TET2: variants seen among roughly 807,000 people sequenced by gnomAD.
TET2 encodes the protein methylcytosine dioxygenase TET2.
Under a neutral mutation model 142.9 loss-of-function variants are expected in TET2, and 299 were observed. The ratio of observed to expected loss-of-function variants is 2.09; its 90% CI spans 1.90 to 2.30. TET2 has a LOEUF of 2.30. TET2 is among the 30% of genes most tolerant of loss of function. TET2 has a pLI of 0.00. For missense variants in TET2, 2,418 were observed against 2,378.0 expected (o/e 1.02, Z -0.35); for synonymous variants, 819 against 849.0 (o/e 0.96, Z 0.61).
At chr4:105,224,934 T>C (rs1328848532) in intron 2 of TET2, among the ~76,000 whole-genome samples, 1 of 152,124 alleles carries the variant, frequency 6.6e-6, no homozygotes, top group Non-Finnish European at 1.5e-5. Flanking sequence ...CATTAGATTA[T>C]TGGAATAAAA....
Position 105,236,008 on chromosome 4 carries a change from C to T in TET2, c.2066C>T (p.Ser689Phe), listed in dbSNP as rs750088604. The change falls in exon 3 of 11, where the codon TCC becomes TTC. Residue 689 changes from serine (S) to phenylalanine (F), a missense_variant. Transcript: ENST00000380013. ...TTTCATTTTCAACAAAGAGCAGATTCCCAAACTGAAAAACTTATGTCCCCA... is the reference window on the plus strand; with the variant it reads ...TTTCATTTTCAACAAAGAGCAGATTTCCAAACTGAAAAACTTATGTCCCCA... Reference protein sequence around the residue: ...TRFHFQQRADSQTEKLMSPVL... With the variant: ...TRFHFQQRADFQTEKLMSPVL... The T allele has an allele frequency of 6.2e-7, 1 of 1,614,024 alleles. No individual in the cohort carries two copies. Among genetic ancestry groups the T allele is most frequent in the Non-Finnish European group, 8.5e-7 (1 of 1,180,020 alleles).
intron 9 of TET2, among the ~76,000 whole-genome samples, chr4:105,271,739 G>A (rs1339737784): frequency 1.3e-5 from 2 of 152,132 alleles, no homozygotes; most frequent in African/African-American, 4.8e-5. Flanking sequence ...ATACTAAAAA[G>A]TTAGTATTTA....
intron 2 of TET2, 54 bp downstream of exon 2, chr4:105,190,559 A>T (rs1419074988): frequency 1.5e-6 from 1 of 688,304 alleles, no homozygotes. Context: ...TTTATTCCTA[A>T]TGTAATGGTA....
chr4:105,223,259 A>G (rs1340834392), intron 2 of TET2, among the ~76,000 whole-genome samples: 1 of 152,194 alleles, frequency 6.6e-6, no homozygotes, highest in African/African-American at 2.4e-5. Context: ...CCATATAGGA[A>G]ACATTATATT....
intron 6 of TET2, among the ~76,000 whole-genome samples, chr4:105,250,711 A>C (rs1729831278): frequency 1.3e-5 from 2 of 151,700 alleles, no homozygotes; most frequent in Admixed American, 1.3e-4. Flanking sequence ...TATTTTTTTT[A>C]AGACAGAGTC....
intron 6 of TET2, among the ~76,000 whole-genome samples, chr4:105,258,392 A>T (rs900686544): frequency 6.6e-6 from 1 of 152,156 alleles, no homozygotes; most frequent in African/African-American, 2.4e-5. Context: ...GTTAGTTACC[A>T]TTTAATATAG....
intron 1 of TET2, among the ~76,000 whole-genome samples, chr4:105,159,722 T>TA (rs1723747809): frequency 1.3e-5 from 2 of 152,270 alleles, no homozygotes. Flanking sequence ...AAAATGCCTT[T>TA]AAAAAATTAC....
chr4:105,247,032 T>C (rs981401633), intron 6 of TET2, among the ~76,000 whole-genome samples: 4 of 152,216 alleles, frequency 2.6e-5, no homozygotes, highest in Non-Finnish European at 5.9e-5. Flanking sequence ...CAGAAATGCC[T>C]TCTGCCATGG....
chr4:105,190,312 C>T, intron 1 of TET2, 48 bp from the exon 2 acceptor site: 1 of 616,210 alleles, frequency 1.6e-6, no homozygotes, highest in Non-Finnish European at 2.9e-6. Flanking sequence ...TGTATATACC[C>T]TGTTCCTTTT....
chr4:105,149,107 G>T (rs1723177787), intron 1 of TET2, among the ~76,000 whole-genome samples: 2 of 152,144 alleles, frequency 1.3e-5, no homozygotes, highest in Admixed American at 1.3e-4. Context: ...AAACTATCGA[G>T]AAAACTATGG....
chr4:105,195,917 G>T (rs1349584594), intron 2 of TET2, among the ~76,000 whole-genome samples: 1 of 152,066 alleles, frequency 6.6e-6, no homozygotes, highest in Non-Finnish European at 1.5e-5. Flanking sequence ...TCAAGATCTT[G>T]ACTCCTACCC....
intron 9 of TET2, 39 bp downstream of exon 9, chr4:105,269,786 T>C (rs1276692608): frequency 1.3e-6 from 2 of 1,548,140 alleles, no homozygotes; most frequent in East Asian, 2.4e-5. Flanking sequence ...CTGTTGAGTC[T>C]GTTCTCACAC....
intron 8 of TET2, among the ~76,000 whole-genome samples, chr4:105,265,609 G>A (rs578224882): frequency 1.4e-3 from 208 of 152,194 alleles, no homozygotes; most frequent in Non-Finnish European, 2.7e-3. Context: ...AGTTTTATGA[G>A]GTTAGATAGA....
rs1731240288 is a variant in TET2 at position 105,276,709 on chromosome 4, T to C, written c.*190T>C. 1.7e-6 allele frequency: 1 copy of C among 587,176 alleles called. No individual in the cohort carries two copies. The highest frequency in any genetic ancestry group is 3.5e-5 in the Admixed American group (1 of 28,876). 36.4% of individuals were successfully genotyped at this position (587,176 alleles called of 1,614,324 possible). A position where few individuals can be genotyped will look rare whatever the true frequency, so the allele number is the denominator to read the frequency against. On this transcript the variant is annotated 3_prime_UTR_variant, in exon 11 of 11. Coordinates refer to ENST00000380013, the MANE Select transcript of TET2 (RefSeq NM_001127208.3). ...CACTTAATTTTCACTGGCTCCCAAG[T>C]GGTCACAGATGGCATCTAGGAAAAG...
Position 105,235,986 on chromosome 4 carries a change from C to T in TET2, c.2044C>T (p.His682Tyr), listed in dbSNP as rs753237619. 1 of 1,614,174 alleles carries T rather than the reference C, an allele frequency of 6.2e-7. No individual in the cohort carries two copies. Reference sequence around the variant, plus strand: ...GCAGTCACTGTGTGGCACTAGATTTCATTTTCAACAAAGAGCAGATTCCCA... The same window carrying T: ...GCAGTCACTGTGTGGCACTAGATTTTATTTTCAACAAAGAGCAGATTCCCA... Reference protein sequence around the residue: ...HVQSLCGTRFHFQQRADSQTE... With the variant: ...HVQSLCGTRFYFQQRADSQTE... The change falls in exon 3 of 11, where the codon CAT (histidine) becomes TAT (tyrosine). Residue 682 changes from histidine (H) to tyrosine (Y), a missense_variant. Physicochemically the swap from His to Tyr is moderately conservative, Grantham distance 83 (BLOSUM62 2). Transcript: ENST00000380013.
chr4:105,276,835 T>TGGTGGGGGGGG lies in TET2; in HGVS notation c.*317_*318insGTGGGGGGGGG. On this transcript the variant is annotated 3_prime_UTR_variant, in exon 11 of 11. Transcript: ENST00000380013. ...TATTGGACGAGATGATATGTAAATG[T>TGGTGGGGGGGG]GATCCCCCCCCCCCGCTTACAACTC... The TGGTGGGGGGGG allele has an allele frequency of 4.4e-6, 1 of 228,250 alleles. No homozygotes were observed. Among genetic ancestry groups the TGGTGGGGGGGG allele is most frequent in the Non-Finnish European group, 8.0e-6 (1 of 125,256 alleles). 14.1% of individuals were successfully genotyped at this position (228,250 alleles called of 1,614,324 possible).
chr4:105,203,872 T>C (rs1726633215), intron 2 of TET2, among the ~76,000 whole-genome samples: 2 of 152,084 alleles, frequency 1.3e-5, no homozygotes, highest in South Asian at 4.1e-4. Flanking sequence ...CCCACCCCTG[T>C]TTTTTAATGT....
chr4:105,227,891 A>AT (rs1560536194), intron 2 of TET2, among the ~76,000 whole-genome samples: 1 of 152,120 alleles, frequency 6.6e-6, no homozygotes, highest in Admixed American at 6.5e-5. Flanking sequence ...ATCTTTGAAG[A>AT]TTTTTTTATC....
rs947476932 is a variant in TET2, at chr4:105,215,700, GT to G, written c.-46-18188del. On this transcript the variant is annotated intron_variant, in intron 2 of 10. Transcript: ENST00000380013. Reference sequence around the variant, plus strand: ...ACTGCAGTACAGATGAGATCAGCCAGTTTTTTTTTCCCCCTTATCTGCAGTG... The same window carrying G: ...ACTGCAGTACAGATGAGATCAGCCAGTTTTTTTTCCCCCTTATCTGCAGTG... Among the ~76,000 whole-genome samples the G allele has an allele frequency of 8.6e-5, 13 of 151,642 alleles. 1 individual carries two copies. Among genetic ancestry groups the G allele is most frequent in the Admixed American group, 2.0e-4 (3 of 15,212 alleles).
Sources: allele counts gnomAD v4.1 joint callset (sites outside exome capture counted in the v4.1 genomes callset), GRCh38; gene constraint gnomAD v4.1.1; transcripts MANE v1.5; gene names NCBI Gene and HGNC (gene_info 2026-07-23, HGNC 2026-07-21).